The following PPEF1 variants were observed in gnomAD, a reference collection of about 807,000 sequenced individuals.
The protein encoded by PPEF1 is serine/threonine-protein phosphatase with EF-hands 1.
A neutral mutation model predicts 53.3 loss-of-function variants in PPEF1; 12 were observed. That is an observed-to-expected ratio of 0.23 (90% CI 0.14 to 0.36). The LOEUF is 0.36. Ranked by LOEUF, PPEF1 falls within the 10% of genes least tolerant of loss-of-function variation. The pLI is 1.00. For synonymous variants in PPEF1, 165 were observed against 176.7 expected, an observed-to-expected ratio of 0.93 and a Z score of 0.52; for missense variants, 334 against 490.4, an observed-to-expected ratio of 0.68 and a Z score of 3.01.
upstream of PPEF1, among the ~76,000 whole-genome samples, chrX:18,706,818 C>CTTTT (rs767459911): frequency 4.7e-4 from 22 of 46,318 alleles, 2 homozygotes; most frequent in Non-Finnish European, 6.6e-4. Flanking sequence ...TTCAAACCTC[C>CTTTT]TTTTTTTTTT....
chrX:18,723,740 C>T lies in PPEF1; in HGVS notation c.47-6441C>T, dbSNP rs190339421. Among the ~76,000 whole-genome samples, 764 of 109,878 alleles carry T rather than the reference C, an allele frequency of 7.0e-3. 11 individuals carry two copies. The highest frequency in any genetic ancestry group is 0.022 in the African/African-American group (670 of 30,196). On this transcript the variant is annotated intron_variant, in intron 1 of 15. Coordinates refer to ENST00000470157, the MANE Select transcript of PPEF1 (RefSeq NM_001377996.1). ...CAGGTAAAGAGATAGGGAATGTGAGCGGGAGAAGGTGTGGGAGGAGATGCT... is the reference window on the plus strand; with the variant it reads ...CAGGTAAAGAGATAGGGAATGTGAGTGGGAGAAGGTGTGGGAGGAGATGCT...
chrX:18,790,955 G>A lies in PPEF1; in HGVS notation c.1065+1682G>A, dbSNP rs147342563. 3.7e-3 allele frequency among the ~76,000 whole-genome samples: 408 copies of A among 111,307 alleles called. 2 individuals are homozygous for A. Among genetic ancestry groups the A allele is most frequent in the African/African-American group, 0.013 (389 of 30,747 alleles). On this transcript the variant is annotated intron_variant, in intron 10 of 15. Coordinates refer to ENST00000470157, the MANE Select transcript of PPEF1 (RefSeq NM_001377996.1). ...CAAACTGCTGGGATTACAGGTGTGA[G>A]CCACTGTGCCCGGCCACCAGCACCA...
upstream of PPEF1, among the ~76,000 whole-genome samples, chrX:18,704,324 T>C (rs1332221769): frequency 8.9e-6 from 1 of 111,747 alleles, no homozygotes; most frequent in East Asian, 2.8e-4. Context: ...TAGTGTTTCT[T>C]CAACTGAGAT....
intron 10 of PPEF1, among the ~76,000 whole-genome samples, chrX:18,794,833 C>T (rs1439146601): frequency 8.9e-6 from 1 of 112,086 alleles, no homozygotes; most frequent in Non-Finnish European, 1.9e-5. Context: ...GTCTTGGATG[C>T]ATCCACTTGA....
chrX:18,678,380 C>G (rs774490894), upstream of PPEF1, among the ~76,000 whole-genome samples: 82 of 108,379 alleles, frequency 7.6e-4, no homozygotes, highest in Middle Eastern at 5.2e-3. Context: ...GAGGCTGCAA[C>G]AAGCTGAGAT....
chrX:18,779,769 CCTT>C (rs1441910894), intron 7 of PPEF1, among the ~76,000 whole-genome samples: 2 of 111,892 alleles, frequency 1.8e-5, no homozygotes, highest in African/African-American at 3.2e-5. Flanking sequence ...TTCCCTTTTC[CCTT>C]CTTTTTTTCT....
intron 6 of PPEF1, among the ~76,000 whole-genome samples, chrX:18,765,980 G>A (rs2045756960): frequency 2.9e-5 from 3 of 105,185 alleles, no homozygotes; most frequent in Admixed American, 2.1e-4. Context: ...CAGGAGAATC[G>A]CTTGAACCCG....
chrX:18,768,717 T>A (rs1183458859), intron 6 of PPEF1, among the ~76,000 whole-genome samples: 5 of 112,312 alleles, frequency 4.5e-5, no homozygotes, highest in Non-Finnish European at 9.4e-5. Context: ...CTACTAAGGG[T>A]TGGCAATACA....
intron 1 of PPEF1, among the ~76,000 whole-genome samples, chrX:18,722,130 C>A (rs964153291): frequency 8.9e-6 from 1 of 112,247 alleles, no homozygotes; most frequent in African/African-American, 3.2e-5. Flanking sequence ...CACATTCTGG[C>A]AGATGGCAGA....
chrX:18,716,531 C>CAAAAAA (rs34160021), intron 1 of PPEF1, among the ~76,000 whole-genome samples: 1 of 44,654 alleles, frequency 2.2e-5, no homozygotes. Context: ...GACACCATCT[C>CAAAAAA]AAAAAAAAAA....
chrX:18,731,216 C>T (rs1319426286), intron 2 of PPEF1, among the ~76,000 whole-genome samples: 3 of 112,102 alleles, frequency 2.7e-5, no homozygotes, highest in South Asian at 3.6e-4. Flanking sequence ...GAAAAAGATA[C>T]ACAGGAAATT....
chrX:18,724,920 G>C (rs1339023166), intron 1 of PPEF1, among the ~76,000 whole-genome samples: 3 of 110,955 alleles, frequency 2.7e-5, no homozygotes, highest in Non-Finnish European at 3.8e-5. Context: ...TAGGAATTAG[G>C]TGAGGTTTTG....
chrX:18,790,186 C>G (rs781515528), intron 10 of PPEF1, among the ~76,000 whole-genome samples: 2 of 111,919 alleles, frequency 1.8e-5, no homozygotes, highest in Non-Finnish European at 3.8e-5. Context: ...TTGCATTTCC[C>G]TAATGACTAA....
chrX:18,763,485 A>G (rs1485402018), intron 6 of PPEF1, among the ~76,000 whole-genome samples: 3 of 111,162 alleles, frequency 2.7e-5, no homozygotes, highest in African/African-American at 9.8e-5. Flanking sequence ...CCACTCAGTC[A>G]GTACTGAGAC....
chrX:18,732,818 G>A (rs2044869544), intron 2 of PPEF1, among the ~76,000 whole-genome samples: 2 of 112,261 alleles, frequency 1.8e-5, no homozygotes, highest in African/African-American at 6.5e-5. Context: ...TGGCTGGAAA[G>A]CTGGTGAAGT....
intron 1 of PPEF1, among the ~76,000 whole-genome samples, chrX:18,720,275 C>T (rs11798302): frequency 0.41 from 45,440 of 110,300 alleles, 8,001 homozygotes; most frequent in Non-Finnish European, 0.56. Context: ...AACAATTATA[C>T]TATCTTTACT....
rs764692147 is a variant in PPEF1, at chrX:18,825,817, A to G, written c.1732A>G (p.Ile578Val). ...RSDLEIIFNA[I>V]DTDHSGLISV... ...TGACCTGGAAATCATATTTAATGCC[A>G]TTGACACTGATCACTCAGGTAAATA... Residue 578 changes from isoleucine (I) to valine (V), a missense_variant, in exon 15 of 16, where the codon ATT becomes GTT. Transcript: ENST00000470157. The G allele has an allele frequency of 8.4e-7, 1 of 1,196,397 alleles. No individual in the cohort carries two copies. The highest frequency in any genetic ancestry group is 1.1e-6 in the Non-Finnish European group (1 of 885,017).
At chrX:18,768,298 A>G (rs2045816215) in intron 6 of PPEF1, among the ~76,000 whole-genome samples, 1 of 112,448 alleles carries the variant, frequency 8.9e-6, no homozygotes, top group Non-Finnish European at 1.9e-5. Flanking sequence ...TCACAAGAGT[A>G]AGTAGGAAAA....
At chrX:18,818,552 G>A (rs1228790611) in intron 13 of PPEF1, among the ~76,000 whole-genome samples, 1 of 110,284 alleles carries the variant, frequency 9.1e-6, no homozygotes, top group Non-Finnish European at 1.9e-5. Context: ...TGTATTTTTA[G>A]TAGAGATGGG....
Sources: allele counts gnomAD v4.1 joint callset (sites outside exome capture counted in the v4.1 genomes callset), GRCh38; gene constraint gnomAD v4.1.1; transcripts MANE v1.5; gene names NCBI Gene and HGNC (gene_info 2026-07-23, HGNC 2026-07-21).